Variants in STK11IP observed in about 807,000 individuals in gnomAD.
The protein encoded by STK11IP is serine/threonine-protein kinase 11-interacting protein.
Under a neutral mutation model 131.7 loss-of-function variants are expected in STK11IP, and 103 were observed. The observed-to-expected ratio is 0.78, with a 90% CI of 0.67 to 0.92. The LOEUF is 0.92. STK11IP is among the 40% of genes least tolerant of loss of function. The pLI, the probability that STK11IP is intolerant of heterozygous loss-of-function variation, is 0.00. For synonymous variants in STK11IP, 557 were observed against 575.6 expected (o/e 0.97, Z 0.46); for missense variants, 1,315 against 1,385.7 (o/e 0.95, Z 0.81).
intron 9 of STK11IP, 35 bp downstream of exon 9, chr2:219,606,094 C>T: frequency 6.4e-7 from 1 of 1,559,576 alleles, no homozygotes; most frequent in East Asian, 2.4e-5. Flanking sequence ...CTGGGAACCA[C>T]CCTTGCACGT....
At chr2:219,602,684 C>T in intron 6 of STK11IP, 21 bp from the exon 7 acceptor site, 1 of 1,613,500 alleles carries the variant, frequency 6.2e-7, no homozygotes, top group Non-Finnish European at 8.5e-7. Context: ...CGATTCTCTG[C>T]CTCCTCCCCG....
At chr2:219,612,082 A>G (rs1698416923) in intron 19 of STK11IP, 24 bp downstream of exon 19, 3 of 1,574,312 alleles carry the variant, frequency 1.9e-6, no homozygotes, top group East Asian at 2.3e-5. Context: ...GACACTGCCC[A>G]TGCCCCCAGC....
intron 1 of STK11IP, 21 bp downstream of exon 1, chr2:219,597,944 T>C (rs766187005): frequency 6.2e-7 from 1 of 1,611,824 alleles, no homozygotes; most frequent in Non-Finnish European, 8.5e-7. Context: ...CCAGGACTTA[T>C]GTTCCTCGAA....
intron 7 of STK11IP, among the ~76,000 whole-genome samples, chr2:219,603,764 C>T (rs1193867628): frequency 2.6e-5 from 4 of 152,110 alleles, no homozygotes; most frequent in Non-Finnish European, 5.9e-5. Context: ...TCATGATCCG[C>T]CCACCTCAGC....
chr2:219,608,558 G>T (rs1326428703), intron 14 of STK11IP, 25 bp from the exon 15 acceptor site: 2 of 1,559,618 alleles, frequency 1.3e-6, no homozygotes, highest in Non-Finnish European at 1.7e-6. Flanking sequence ...CTCCCTGCAG[G>T]CCTTTTCTCT....
Position 219,614,457 on chromosome 2 carries a change from C to T in STK11IP, c.2799-19C>T. On this transcript the variant is annotated intron_variant, in intron 22 of 24. Transcript: ENST00000456909. ...CCACCCGCTAGCTGATCTTCCTGTG[C>T]CTGCCATATTCCCTCTAGGCCATTG... The T allele has an allele frequency of 6.2e-7, 1 of 1,613,074 alleles. No homozygotes were observed. The highest frequency in any genetic ancestry group is 8.5e-7 in the Non-Finnish European group (1 of 1,179,318).
intron 24 of STK11IP, chr2:219,615,598 G>A: frequency 1.5e-6 from 1 of 658,602 alleles, no homozygotes. Flanking sequence ...GAGGCTTTCA[G>A]TGAGGTTTCC....
At chr2:219,609,584 G>C (rs570240858) in intron 17 of STK11IP, 44 bp downstream of exon 17, 5 of 1,550,186 alleles carry the variant, frequency 3.2e-6, no homozygotes, top group Non-Finnish European at 4.4e-6. Flanking sequence ...CGCCTCCCCT[G>C]TTCCAGGGAA....
rs953523382 is a variant in STK11IP, at chr2:219,608,589, T to C, written c.1610T>C (p.Leu537Pro). The C allele has an allele frequency of 3.1e-6, 5 of 1,592,562 alleles. No homozygotes were observed. The African/African-American group carries it at 6.7e-5, about 21-fold the overall frequency. ...TCTCTTGGTCTCTCCACAGCGGAACTCTGTCGCCCCTTGTTGGTGTGTCCC... is the reference window on the plus strand; with the variant it reads ...TCTCTTGGTCTCTCCACAGCGGAACCCTGTCGCCCCTTGTTGGTGTGTCCC... ...EQDQKEVEAE[L>P]CRPLLVCPLE... is the part of the protein sequence containing the mutation. The change falls in exon 15 of 25, where the codon CTC (leucine) becomes CCC (proline). Residue 537 changes from leucine (L) to proline (P), a missense_variant. Leu to Pro is a moderately conservative substitution (Grantham distance 98). Coordinates refer to ENST00000456909, the MANE Select transcript of STK11IP (RefSeq NM_052902.4).
Position 219,615,758 on chromosome 2 carries a change from G to A in STK11IP, c.3118-286G>A, listed in dbSNP as rs536130714. On this transcript the variant is annotated intron_variant, in intron 24 of 24. Transcript: ENST00000456909. ...TAACCAGTTTGCCCAGTCCAAAGTG[G>A]TGGAGCCGGGAATTGAATCCACAGT... 2.2e-5 allele frequency: 15 copies of A among 668,260 alleles called. No individual in the cohort carries two copies. The East Asian group carries it at 4.3e-4, about 19-fold the overall frequency. 41.4% of individuals were successfully genotyped at this position (668,260 alleles called of 1,614,324 possible).
intron 7 of STK11IP, among the ~76,000 whole-genome samples, chr2:219,603,400 C>G (rs1456349041): frequency 1.3e-5 from 2 of 152,110 alleles, no homozygotes; most frequent in African/African-American, 4.8e-5. Flanking sequence ...GTTGCTTAGT[C>G]TAGTGCCTAG....
intron 6 of STK11IP, 41 bp downstream of exon 6, chr2:219,602,616 G>A: frequency 6.2e-7 from 1 of 1,612,034 alleles, no homozygotes; most frequent in Non-Finnish European, 8.5e-7. Context: ...GGAAGGGCAA[G>A]GCCAGGCCTT....
intron 3 of STK11IP, 56 bp from the exon 4 acceptor site, chr2:219,601,585 T>C (rs990035617): frequency 1.9e-6 from 3 of 1,557,098 alleles, no homozygotes; most frequent in Non-Finnish European, 2.6e-6. Flanking sequence ...GAAGGAATGT[T>C]GAGGGCAGGA....
At chr2:219,615,400 G>T in intron 24 of STK11IP, 59 bp downstream of exon 24, 2 of 1,556,544 alleles carry the variant, frequency 1.3e-6, no homozygotes, top group Admixed American at 3.5e-5. Context: ...ACAGGTTGGG[G>T]CCATGAGGGC....
intron 18 of STK11IP, 43 bp from the exon 19 acceptor site, chr2:219,611,912 A>T (rs1559186230): frequency 1.9e-6 from 3 of 1,571,096 alleles, no homozygotes; most frequent in Non-Finnish European, 2.6e-6. Flanking sequence ...GATGGAGCCC[A>T]GGGGCTGCCA....
intron 12 of STK11IP, 37 bp from the exon 13 acceptor site, chr2:219,607,016 T>C (rs1182946121): frequency 1.2e-6 from 2 of 1,613,274 alleles, no homozygotes. Flanking sequence ...GCTGGAGGCT[T>C]GGCTTTCACA....
At chr2:219,609,895 C>T (rs950624883) in intron 17 of STK11IP, among the ~76,000 whole-genome samples, 3 of 152,108 alleles carry the variant, frequency 2.0e-5, no homozygotes, top group African/African-American at 7.2e-5. Context: ...CTAATGAGCC[C>T]TCACTGCAGT....
intron 19 of STK11IP, among the ~76,000 whole-genome samples, chr2:219,612,531 T>C (rs1698430593): frequency 6.6e-6 from 1 of 152,200 alleles, no homozygotes; most frequent in Admixed American, 6.5e-5. Context: ...TAGTCCAGCT[T>C]GAGTGGGTCA....
rs748335906 is a variant in STK11IP, at chr2:219,598,192, TC to T, written c.61+14del. 5 of 1,540,802 alleles carry T rather than the reference TC, an allele frequency of 3.2e-6. No homozygotes were observed. Among genetic ancestry groups the T allele is most frequent in the Non-Finnish European group, 4.4e-6 (5 of 1,140,258 alleles). Reference sequence around the variant, plus strand: ...GCTGCGGGAGTCCGGTGAGTGGACTTCCGGTTGGGCTGGGCCTCGGACCTCG... The same window carrying T: ...GCTGCGGGAGTCCGGTGAGTGGACTTCGGTTGGGCTGGGCCTCGGACCTCG... On this transcript the variant is annotated intron_variant, in intron 2 of 24. Transcript: ENST00000456909.
Sources: allele counts gnomAD v4.1 joint callset (sites outside exome capture counted in the v4.1 genomes callset), GRCh38; gene constraint gnomAD v4.1.1; transcripts MANE v1.5; gene names NCBI Gene and HGNC (gene_info 2026-07-23, HGNC 2026-07-21).